Variants in PTPRD observed in about 807,000 individuals in gnomAD.
PTPRD encodes the protein protein tyrosine phosphatase receptor type D.
In PTPRD, 34 loss-of-function variants were observed where a neutral mutation model predicts 214.5. That is an observed-to-expected ratio of 0.16 (90% CI 0.12 to 0.21). The LOEUF (loss-of-function observed/expected upper bound fraction) is 0.21. Ranked by LOEUF, PTPRD falls within the 10% of genes least tolerant of loss-of-function variation. The pLI is 1.00. For synonymous variants in PTPRD, 1,128 were observed against 845.7 expected (o/e 1.33, Z -5.79); for missense variants, 2,545 against 2,398.7 (o/e 1.06, Z -1.27).
chr9:10,396,723 T>A (rs540841198), intron 2 of PTPRD, among the ~76,000 whole-genome samples: 1 of 152,114 alleles, frequency 6.6e-6, no homozygotes, highest in East Asian at 2.0e-4. Context: ...ACCTGACTAA[T>A]GGGGAAGTAT....
chr9:10,282,588 A>G (rs914223441), intron 3 of PTPRD, among the ~76,000 whole-genome samples: 5 of 152,164 alleles, frequency 3.3e-5, no homozygotes, highest in South Asian at 2.1e-4. Context: ...AATGTTAGCT[A>G]TGAAATATCT....
At chr9:9,547,602 T>G (rs2079098591) in intron 8 of PTPRD, among the ~76,000 whole-genome samples, 1 of 152,070 alleles carries the variant, frequency 6.6e-6, no homozygotes, top group Non-Finnish European at 1.5e-5. Flanking sequence ...AGGTCATAGT[T>G]GCTTTAGTCT....
intron 27 of PTPRD, among the ~76,000 whole-genome samples, chr9:8,491,429 A>T (rs1254963412): frequency 6.6e-6 from 1 of 152,194 alleles, no homozygotes; most frequent in Admixed American, 6.5e-5. Flanking sequence ...ACCCCATTTA[A>T]TGGGCAACAG....
chr9:10,454,779 T>C (rs1163209654), intron 2 of PTPRD, among the ~76,000 whole-genome samples: 2 of 151,562 alleles, frequency 1.3e-5, no homozygotes, highest in East Asian at 1.9e-4. Flanking sequence ...AAAGCACATA[T>C]GCAGAATTTT....
chr9:9,462,576 A>T (rs1254449098), intron 8 of PTPRD, among the ~76,000 whole-genome samples: 1 of 152,188 alleles, frequency 6.6e-6, no homozygotes, highest in Non-Finnish European at 1.5e-5. Context: ...ATCCAACAAT[A>T]AAAACCATGC....
intron 3 of PTPRD, among the ~76,000 whole-genome samples, chr9:10,142,163 T>TA (rs2098990423): frequency 1.3e-5 from 2 of 152,118 alleles, no homozygotes; most frequent in South Asian, 2.1e-4. Context: ...CCTAAAACCA[T>TA]AAAAACCCTA....
At chr9:8,793,913 G>T (rs967617489) in intron 11 of PTPRD, among the ~76,000 whole-genome samples, 1 of 152,150 alleles carries the variant, frequency 6.6e-6, no homozygotes, top group Admixed American at 6.6e-5. Context: ...AGAGGAAGAG[G>T]TCTGGCTGGA....
At chr9:9,706,271 C>A (rs1407359901) in intron 7 of PTPRD, among the ~76,000 whole-genome samples, 2 of 152,068 alleles carry the variant, frequency 1.3e-5, no homozygotes, top group Non-Finnish European at 2.9e-5. Flanking sequence ...TTAAAAAATT[C>A]TCCTAAACAA....
chr9:8,399,604 C>G (rs950299984), intron 36 of PTPRD, among the ~76,000 whole-genome samples: 6 of 152,092 alleles, frequency 3.9e-5, no homozygotes, highest in Admixed American at 2.0e-4. Flanking sequence ...GTCATTTATT[C>G]TTTGGAAAAA....
At chr9:8,465,043 G>C (rs2096517410) in intron 32 of PTPRD, among the ~76,000 whole-genome samples, 1 of 151,900 alleles carries the variant, frequency 6.6e-6, no homozygotes, top group African/African-American at 2.4e-5. Flanking sequence ...GAATGGCCAA[G>C]CTTGTGAGTT....
chr9:10,242,746 T>G (rs2091343774), intron 3 of PTPRD, among the ~76,000 whole-genome samples: 1 of 151,902 alleles, frequency 6.6e-6, no homozygotes, highest in Non-Finnish European at 1.5e-5. Flanking sequence ...TTATTTTTAT[T>G]TTTCTTTCTA....
intron 7 of PTPRD, among the ~76,000 whole-genome samples, chr9:9,694,623 A>G (rs2097337072): frequency 6.6e-6 from 1 of 151,954 alleles, no homozygotes; most frequent in Non-Finnish European, 1.5e-5. Context: ...AAACCTTAGC[A>G]ACTGATGTTG....
intron 7 of PTPRD, among the ~76,000 whole-genome samples, chr9:9,734,308 C>T (rs1398175603): frequency 1.3e-5 from 2 of 152,076 alleles, no homozygotes; most frequent in Non-Finnish European, 2.9e-5. Flanking sequence ...GTTCTTCTAA[C>T]CCATGAAGTT....
intron 9 of PTPRD, among the ~76,000 whole-genome samples, chr9:9,282,711 A>G (rs1948134766): frequency 6.6e-6 from 1 of 151,434 alleles, no homozygotes; most frequent in Non-Finnish European, 1.5e-5. Flanking sequence ...AAAGTGGACA[A>G]TTGTTGTTTA....
chr9:10,334,214 G>C (rs2096801756), intron 3 of PTPRD, among the ~76,000 whole-genome samples: 1 of 151,626 alleles, frequency 6.6e-6, no homozygotes, highest in South Asian at 2.1e-4. Context: ...AAGGTTATAA[G>C]ATAATAGGCA....
At chr9:8,902,615 G>T (rs909315364) in intron 11 of PTPRD, among the ~76,000 whole-genome samples, 2 of 151,946 alleles carry the variant, frequency 1.3e-5, no homozygotes, top group African/African-American at 2.4e-5. Context: ...AAAGTGCTGG[G>T]ATTACAGGCA....
chr9:9,696,303 T>C lies in PTPRD; in HGVS notation c.-287+38230A>G, dbSNP rs79467276. Reference sequence around the variant, plus strand: ...GCAATTGGATGAAATGTTCTACAAATATTAGTTAGGCCCATTTGGTCTAGT... The same window carrying C: ...GCAATTGGATGAAATGTTCTACAAACATTAGTTAGGCCCATTTGGTCTAGT... On this transcript the variant is annotated intron_variant, in intron 7 of 45. Coordinates refer to ENST00000381196, the MANE Select transcript of PTPRD (RefSeq NM_002839.4). Among the ~76,000 whole-genome samples, 809 of 152,274 alleles carry C rather than the reference T, an allele frequency of 5.3e-3. 16 individuals are homozygous for C. Among genetic ancestry groups the C allele is most frequent in the African/African-American group, 0.018 (756 of 41,572 alleles).
intron 4 of PTPRD, among the ~76,000 whole-genome samples, chr9:9,973,301 CAA>C (rs747369676): frequency 4.7e-4 from 35 of 74,166 alleles, no homozygotes; most frequent in Middle Eastern, 7.8e-3. Flanking sequence ...CCTTGTCTTT[CAA>C]AAAAAAAAAA....
rs1298762368 is a variant in PTPRD at position 9,880,324 on chromosome 9, T to C, written c.-368+58183A>G. Among the ~76,000 whole-genome samples, 6 of 152,270 alleles carry C rather than the reference T, an allele frequency of 3.9e-5. No homozygotes were observed. The East Asian group carries it at 7.7e-4, about 20-fold the overall frequency. On this transcript the variant is annotated intron_variant, in intron 5 of 45. Coordinates refer to ENST00000381196, the MANE Select transcript of PTPRD (RefSeq NM_002839.4). ...CACCCAGTCTCAGGTAGTATTTTTA[T>C]AGCAGTGTGAGAATGGACTAAAACA...
Sources: allele counts gnomAD v4.1 joint callset (sites outside exome capture counted in the v4.1 genomes callset), GRCh38; gene constraint gnomAD v4.1.1; transcripts MANE v1.5; gene names NCBI Gene and HGNC (gene_info 2026-07-23, HGNC 2026-07-21).